SKAP2: variants seen among roughly 807,000 people sequenced by gnomAD.
SKAP2 encodes src kinase-associated phosphoprotein 2.
SKAP2 carries 28 observed loss-of-function variants against 54.9 expected under a neutral mutation model. The ratio of observed to expected loss-of-function variants is 0.51; its 90% confidence interval spans 0.38 to 0.70. The LOEUF (loss-of-function observed/expected upper bound fraction) is 0.70. Ranked by LOEUF, SKAP2 falls within the 30% of genes least tolerant of loss-of-function variation. The pLI is 0.00. For missense variants in SKAP2, 356 were observed against 424.1 expected, an observed-to-expected ratio of 0.84 and a Z score of 1.41; for synonymous variants, 137 against 134.3, an observed-to-expected ratio of 1.02 and a Z score of -0.14.
intron 4 of SKAP2, among the ~76,000 whole-genome samples, chr7:26,818,444 G>A (rs561658392): frequency 9.9e-5 from 15 of 152,180 alleles, no homozygotes; most frequent in African/African-American, 3.6e-4. Flanking sequence ...AACTCAAGGT[G>A]GATTAAAGAC....
chr7:26,676,697 T>G (rs1365544082), intron 11 of SKAP2, among the ~76,000 whole-genome samples: 1 of 152,182 alleles, frequency 6.6e-6, no homozygotes, highest in African/African-American at 2.4e-5. Flanking sequence ...ACAAAAATAT[T>G]TAAGACACAG....
intron 4 of SKAP2, among the ~76,000 whole-genome samples, chr7:26,796,677 T>C (rs555747892): frequency 6.6e-6 from 1 of 152,370 alleles, no homozygotes; most frequent in East Asian, 1.9e-4. Flanking sequence ...AATACAGTAC[T>C]GTAAATGTAT....
chr7:26,794,991 C>T (rs575136088), intron 4 of SKAP2, among the ~76,000 whole-genome samples: 2 of 152,288 alleles, frequency 1.3e-5, no homozygotes, highest in East Asian at 1.9e-4. Flanking sequence ...GGTGCCTTCC[C>T]TATTGAGGTT....
intron 4 of SKAP2, among the ~76,000 whole-genome samples, chr7:26,811,450 T>C (rs896226781): frequency 6.6e-6 from 1 of 152,196 alleles, no homozygotes; most frequent in African/African-American, 2.4e-5. Flanking sequence ...TCTTTCCCTG[T>C]CCCTACACCC....
intron 10 of SKAP2, among the ~76,000 whole-genome samples, chr7:26,685,657 T>G (rs186217338): frequency 6.6e-6 from 1 of 152,026 alleles, no homozygotes; most frequent in Non-Finnish European, 1.5e-5. Context: ...CATTAACTGA[T>G]TGATTATTTA....
At chr7:26,777,276 C>A (rs1783331833) in intron 4 of SKAP2, among the ~76,000 whole-genome samples, 2 of 152,048 alleles carry the variant, frequency 1.3e-5, no homozygotes, top group Admixed American at 1.3e-4. Flanking sequence ...TTGATATAAG[C>A]TTTCTAGATG....
rs1226193050 is a variant in SKAP2 at position 26,854,830 on chromosome 7, T to C, written c.128A>G (p.Glu43Gly). Residue 43 changes from glutamate (E) to glycine (G), a missense_variant, in exon 2 of 13, where the codon GAA (glutamate) becomes GGA (glycine). Coordinates refer to ENST00000345317, the MANE Select transcript of SKAP2 (RefSeq NM_003930.5). ...KGENLSKKAK[E>G]KRESLIKKIK... is the part of the protein sequence containing the mutation. ...CTTCTTAATAAGGGATTCTCTCTTT[T>C]CCTTTGCTTTCTTGGATAAATTTTC... 2.5e-6 allele frequency: 4 copies of C among 1,601,892 alleles called. No homozygotes were observed. The highest frequency in any genetic ancestry group is 3.4e-6 in the Non-Finnish European group (4 of 1,172,038).
chr7:26,807,931 T>C (rs752432165), intron 4 of SKAP2, among the ~76,000 whole-genome samples: 3 of 152,228 alleles, frequency 2.0e-5, no homozygotes, highest in Non-Finnish European at 2.9e-5. Flanking sequence ...TTTTTAGACA[T>C]AATACTAATT....
At chr7:26,674,845 CCT>C (rs1324730387) in intron 11 of SKAP2, among the ~76,000 whole-genome samples, 3 of 152,062 alleles carry the variant, frequency 2.0e-5, no homozygotes, top group African/African-American at 7.2e-5. Flanking sequence ...AGTTTATATC[CCT>C]GAGTCATGCT....
chr7:26,762,364 G>T (rs2127971369), intron 4 of SKAP2, among the ~76,000 whole-genome samples: 1 of 152,150 alleles, frequency 6.6e-6, no homozygotes, highest in African/African-American at 2.4e-5. Flanking sequence ...TTGTTCTATT[G>T]CTAGCTGTCT....
intron 9 of SKAP2, among the ~76,000 whole-genome samples, chr7:26,722,714 C>T (rs1014327357): frequency 1.3e-5 from 2 of 152,018 alleles, no homozygotes; most frequent in Non-Finnish European, 2.9e-5. Flanking sequence ...CAGCCCATTG[C>T]AATTTTTAAA....
At chr7:26,731,953 C>T (rs575832724) in intron 6 of SKAP2, among the ~76,000 whole-genome samples, 164 of 152,322 alleles carry the variant, frequency 1.1e-3, no homozygotes, top group Admixed American at 2.3e-3. Flanking sequence ...ACCAACCACT[C>T]TCATACCATT....
chr7:26,682,709 A>T (rs1045199920), intron 11 of SKAP2, among the ~76,000 whole-genome samples: 2 of 152,220 alleles, frequency 1.3e-5, no homozygotes, highest in African/African-American at 4.8e-5. Flanking sequence ...AATAGCATTT[A>T]AAAATGTTAG....
At chr7:26,804,883 A>G (rs1277128090) in intron 4 of SKAP2, among the ~76,000 whole-genome samples, 1 of 152,202 alleles carries the variant, frequency 6.6e-6, no homozygotes, top group Non-Finnish European at 1.5e-5. Flanking sequence ...AAATACCATT[A>G]TTGGGAAATC....
Position 26,844,051 on chromosome 7 carries a change from C to A in SKAP2, c.286G>T (p.Asp96Tyr), listed in dbSNP as rs1279298404. The change falls in exon 4 of 13, where the codon GAC becomes TAC. Residue 96 changes from aspartate (D) to tyrosine (Y), a missense_variant. Transcript: ENST00000345317. The part of the protein sequence containing the change: ...ISLASERYDK[D>Y]DEAPSDGAQF... Reference sequence around the variant, plus strand: ...ATACCATCAGAGGGGGCTTCATCGTCTTTATCATATCGTTCTGAGGCTAAT... The same window carrying A: ...ATACCATCAGAGGGGGCTTCATCGTATTTATCATATCGTTCTGAGGCTAAT... The A allele has an allele frequency of 7.5e-6, 12 of 1,610,078 alleles. No individual in the cohort carries two copies. The highest frequency in any genetic ancestry group is 1.0e-5 in the Non-Finnish European group (12 of 1,177,052).
At chr7:26,801,545 T>A (rs1194888417) in intron 4 of SKAP2, among the ~76,000 whole-genome samples, 1 of 152,100 alleles carries the variant, frequency 6.6e-6, no homozygotes, top group African/African-American at 2.4e-5. Flanking sequence ...GGCATCCAAA[T>A]TGGAAAGGAG....
intron 7 of SKAP2, 119 bp from the exon 8 acceptor site, chr7:26,726,105 T>C: frequency 1.6e-6 from 1 of 637,442 alleles, no homozygotes; most frequent in Non-Finnish European, 2.7e-6. Context: ...GGAACTTTTC[T>C]TGCAAGGATG....
At chr7:26,669,853 A>G (rs1305402056) in intron 12 of SKAP2, among the ~76,000 whole-genome samples, 197 bp from the exon 13 acceptor site, 1 of 152,188 alleles carries the variant, frequency 6.6e-6, no homozygotes, top group Admixed American at 6.5e-5. Flanking sequence ...GCTGGTTACT[A>G]TCAAAAGAAC....
chr7:26,770,079 C>A (rs978198100), intron 4 of SKAP2, among the ~76,000 whole-genome samples: 23 of 152,180 alleles, frequency 1.5e-4, no homozygotes, highest in African/African-American at 5.3e-4. Flanking sequence ...GGTGCTCTAT[C>A]CCAGGGAGAT....
Sources: gnomAD v4.1 joint callset for allele counts (sites outside exome capture counted in the v4.1 genomes callset) on GRCh38, gnomAD v4.1.1 for gene constraint, MANE v1.5 for transcripts, NCBI Gene and HGNC (gene_info 2026-07-23, HGNC 2026-07-21) for gene names.